Variants in PDE6A observed in about 807,000 individuals in gnomAD.
PDE6A encodes phosphodiesterase 6A, also known as rod cGMP-specific 3',5'-cyclic phosphodiesterase subunit alpha.
Under a neutral mutation model 106.3 loss-of-function variants are expected in PDE6A, and 84 were observed. The ratio of observed to expected loss-of-function variants is 0.79; its 90% CI spans 0.66 to 0.95. The LOEUF is 0.95. Among genes scored for constraint, PDE6A ranks in the 40% least tolerant of loss-of-function variants. The probability of loss-of-function intolerance (pLI) is 0.00; values close to 1 mark genes in which losing one functional copy is unlikely to be tolerated. For missense variants in PDE6A, 1,052 were observed against 1,084.9 expected, an observed-to-expected ratio of 0.97 and a Z score of 0.43; for synonymous variants, 394 against 386.6, an observed-to-expected ratio of 1.02 and a Z score of -0.23.
In PDE6A at chr5:149,863,136, T is replaced by C; in HGVS notation, c.2489A>G (p.Gln830Arg). 5.6e-6 allele frequency: 9 copies of C among 1,614,238 alleles called. No individual in the cohort carries two copies. Among genetic ancestry groups the C allele is most frequent in the Non-Finnish European group, 7.6e-6 (9 of 1,180,048 alleles). ...CCACAAACCTGACTTGGCCGACTGC[T>C]GTTTCTGCTTCTTCTCCTCCTGCAC... is the stretch of plus-strand genomic sequence containing the variant. ...MKVQEEKKQK[Q>R]QSAKSAAAGN... The change falls in exon 21 of 22, where the codon CAG becomes CGG. Residue 830 changes from glutamine (Q) to arginine (R), a missense_variant. Transcript: ENST00000255266. This position sits in a 1 kb window ranked among gnomAD's most constrained non-coding sequence, Gnocchi z 4.7.
At chr5:149,931,737 A>G (rs548255010) in intron 3 of PDE6A, among the ~76,000 whole-genome samples, 36 of 152,376 alleles carry the variant, frequency 2.4e-4, no homozygotes, top group African/African-American at 8.2e-4. Context: ...TTCTAAATCA[A>G]TTCTCTACAG....
chr5:149,919,814 A>G (rs1224564441), intron 5 of PDE6A, among the ~76,000 whole-genome samples: 1 of 152,018 alleles, frequency 6.6e-6, no homozygotes, highest in African/African-American at 2.4e-5. Flanking sequence ...TTTTTTTTCC[A>G]TGAAGGCTTT....
rs1180592604 is a variant in PDE6A, at chr5:149,906,145, A to C, written c.1065+1167T>G. Reference sequence around the variant, plus strand: ...AGTGTTGGGATTACAGGCGTGAGTCACTATGCCCTGCCAGAGTTATCTTTC... The same window carrying C: ...AGTGTTGGGATTACAGGCGTGAGTCCCTATGCCCTGCCAGAGTTATCTTTC... On this transcript the variant is annotated intron_variant, in intron 7 of 21. Coordinates refer to ENST00000255266, the MANE Select transcript of PDE6A (RefSeq NM_000440.3). Among the ~76,000 whole-genome samples, 3 of 152,034 alleles carry C rather than the reference A, an allele frequency of 2.0e-5. 1 individual carries two copies. The highest frequency in any genetic ancestry group is 4.8e-5 in the African/African-American group (2 of 41,408).
intron 6 of PDE6A, among the ~76,000 whole-genome samples, chr5:149,910,874 C>CTTTTTTTTTTTTTTTTTT (rs386405293): frequency 1.1e-5 from 1 of 87,144 alleles, no homozygotes; most frequent in Non-Finnish European, 2.0e-5. Context: ...TTTCTTTTTC[C>CTTTTTTTTTTTTTTTTTT]TTTTTTTTTT....
Position 149,907,297 on chromosome 5 carries a change from A to G in PDE6A, c.1065+15T>C, listed in dbSNP as rs753004106. On this transcript the variant is annotated intron_variant, in intron 7 of 21. Transcript: ENST00000255266. ...GTGATCCAAAACTCTCCCCCTTCAA[A>G]GTTATATTACTTACCAGGCCATTCT... The G allele has an allele frequency of 1.9e-6, 3 of 1,597,434 alleles. No individual in the cohort carries two copies. The African/African-American group carries it at 4.0e-5, about 21-fold the overall frequency.
chr5:149,888,059 C>T (rs1010340295), intron 13 of PDE6A, among the ~76,000 whole-genome samples: 25 of 152,130 alleles, frequency 1.6e-4, no homozygotes, highest in African/African-American at 6.0e-4. Flanking sequence ...ATCGCTTGAG[C>T]CCAGGAGGTC....
chr5:149,914,134 C>A lies in PDE6A; in HGVS notation c.998+809G>T, dbSNP rs572762356. 2.0e-5 allele frequency among the ~76,000 whole-genome samples: 3 copies of A among 152,288 alleles called. No homozygotes were observed. The East Asian group carries it at 5.8e-4, about 29-fold the overall frequency. On this transcript the variant is annotated intron_variant, in intron 6 of 21. Coordinates refer to ENST00000255266, the MANE Select transcript of PDE6A (RefSeq NM_000440.3). ...TATACATGGGACTCTAAGGTCCAGA[C>A]AAACCACTTACTGGCCCTGGCTGTG... is the stretch of plus-strand genomic sequence containing the variant.
At chr5:149,872,604 G>A (rs139809809) in intron 17 of PDE6A, among the ~76,000 whole-genome samples, 97 of 152,268 alleles carry the variant, frequency 6.4e-4, no homozygotes, top group African/African-American at 2.3e-3. Flanking sequence ...AAGCATTCCA[G>A]CCTTCCTCTT....
intron 14 of PDE6A, 79 bp from the exon 15 acceptor site, chr5:149,884,946 C>G: frequency 1.8e-6 from 2 of 1,119,658 alleles, no homozygotes; most frequent in Non-Finnish European, 2.7e-6. Context: ...CTGACTCAGT[C>G]TTCAGCCTTC....
chr5:149,913,065 A>AG (rs949059053), intron 6 of PDE6A, among the ~76,000 whole-genome samples: 2 of 152,158 alleles, frequency 1.3e-5, no homozygotes, highest in African/African-American at 4.8e-5. Flanking sequence ...AGAAAAAAAA[A>AG]GAGAGATGAA....
intron 13 of PDE6A, among the ~76,000 whole-genome samples, chr5:149,887,200 T>C (rs762521804): frequency 7.2e-5 from 11 of 152,168 alleles, no homozygotes; most frequent in Non-Finnish European, 1.2e-4. Flanking sequence ...TAGTGAAAGA[T>C]TGAAAAGACT....
chr5:149,927,370 C>G (rs1450132011), intron 4 of PDE6A, among the ~76,000 whole-genome samples: 1 of 152,150 alleles, frequency 6.6e-6, no homozygotes, highest in Admixed American at 6.5e-5. Flanking sequence ...GACACTTAGG[C>G]TACACCAAAT....
In PDE6A at chr5:149,866,231, G is replaced by C. The variant is rs752929833; in HGVS notation, c.2297C>G (p.Ala766Gly). ...NPIPMMDRNKADELPKLQVGF... is the reference protein window; with the variant it reads ...NPIPMMDRNKGDELPKLQVGF... ...GACTTGAAGCTTAGGGAGTTCATCT[G>C]CTTTGTTTCTGTCCATCATGGGCTG... Residue 766 changes from alanine (A) to glycine (G), a missense_variant, in exon 20 of 22, where the codon GCA becomes GGA. Coordinates refer to ENST00000255266, the MANE Select transcript of PDE6A (RefSeq NM_000440.3). The C allele has an allele frequency of 3.1e-6, 5 of 1,614,058 alleles. No homozygotes were observed. Among genetic ancestry groups the C allele is most frequent in the Non-Finnish European group, 4.2e-6 (5 of 1,179,902 alleles).
At chr5:149,900,375 G>GTATATATAGATATATATATATATATATA (rs1752924570) in intron 8 of PDE6A, among the ~76,000 whole-genome samples, 1 of 82,584 alleles carries the variant, frequency 1.2e-5, no homozygotes, top group Non-Finnish European at 2.4e-5. Context: ...AAATATATAT[G>GTATATATAGATATATATATATATATATA]TATATATATA....
Position 149,899,531 on chromosome 5 carries a change from G to A in PDE6A, c.1114-7C>T, listed in dbSNP as rs1293369400. The A allele has an allele frequency of 6.2e-7, 1 of 1,613,928 alleles. No homozygotes were observed. Among genetic ancestry groups the A allele is most frequent in the Non-Finnish European group, 8.5e-7 (1 of 1,179,814 alleles). On this transcript the variant is annotated splice_polypyrimidine_tract_variant and splice_region_variant and intron_variant, in intron 8 of 21. Coordinates refer to ENST00000255266, the MANE Select transcript of PDE6A (RefSeq NM_000440.3). ...ACTCATCCAGAGGTTCTTTCTACAA[G>A]AGAAGGGCTAGATTAGGTTTCCTCT...
intron 21 of PDE6A, among the ~76,000 whole-genome samples, chr5:149,861,625 G>T (rs1760146518): frequency 1.3e-5 from 2 of 152,160 alleles, no homozygotes; most frequent in African/African-American, 4.8e-5. Context: ...GCTCCAGCCT[G>T]GGCAACAAAG....
rs1041130715 is a variant in PDE6A at position 149,863,825 on chromosome 5, T to C, written c.2359-559A>G. The stretch of plus-strand genomic sequence containing the variant: ...TTTTTGTAGATACAGGGTCTCCCTA[T>C]GTTGCCTAGGCTGGTCTCAAGCTCC... On this transcript the variant is annotated intron_variant, in intron 20 of 21. Transcript: ENST00000255266. This position sits in a 1 kb window ranked among gnomAD's most constrained non-coding sequence, Gnocchi z 4.7. Among the ~76,000 whole-genome samples the C allele has an allele frequency of 1.3e-5, 2 of 152,124 alleles. No homozygotes were observed. Among genetic ancestry groups the C allele is most frequent in the African/African-American group, 4.8e-5 (2 of 41,424 alleles).
intron 17 of PDE6A, among the ~76,000 whole-genome samples, chr5:149,876,219 AG>A (rs1297562220): frequency 7.2e-5 from 11 of 152,206 alleles, no homozygotes; most frequent in African/African-American, 2.6e-4. Flanking sequence ...AAACACTCAA[AG>A]CACCCTTTTT....
At chr5:149,920,898 A>G (rs552010144) in intron 5 of PDE6A, among the ~76,000 whole-genome samples, 1 of 151,058 alleles carries the variant, frequency 6.6e-6, no homozygotes, top group South Asian at 2.1e-4. Flanking sequence ...AGAGAGAGAG[A>G]GAGAGAGAAG....
Sources: allele counts gnomAD v4.1 joint callset (sites outside exome capture counted in the v4.1 genomes callset), GRCh38; gene constraint gnomAD v4.1.1; non-coding constraint Gnocchi (gnomAD v3.1); transcripts MANE v1.5; gene names NCBI Gene and HGNC (gene_info 2026-07-23, HGNC 2026-07-21).